PCDHA2: variants seen among roughly 807,000 people sequenced by gnomAD.
PCDHA2 encodes the protein protocadherin alpha 2.
A neutral mutation model predicts 66.0 loss-of-function variants in PCDHA2; 58 were observed. The ratio of observed to expected loss-of-function variants is 0.88; its 90% confidence interval spans 0.71 to 1.09. The LOEUF (loss-of-function observed/expected upper bound fraction) is 1.09. Among genes scored for constraint, PCDHA2 ranks in the 50% least tolerant of loss-of-function variants. The probability of loss-of-function intolerance (pLI) is 0.00; values close to 1 mark genes in which losing one functional copy is unlikely to be tolerated. For missense variants in PCDHA2, 1,267 were observed against 1,242.3 expected (o/e 1.02, Z -0.30); for synonymous variants, 634 against 554.0 (o/e 1.14, Z -2.03).
At chr5:140,845,023 G>A (rs1554140814) in intron 1 of PCDHA2, among the ~76,000 whole-genome samples, 2 of 149,032 alleles carry the variant, frequency 1.3e-5, no homozygotes, top group African/African-American at 2.5e-5. Flanking sequence ...AATCATTTAT[G>A]GGCATATTTT....
chr5:140,836,660 C>T (rs2150267117), intron 1 of PCDHA2: 1 of 1,613,436 alleles, frequency 6.2e-7, no homozygotes, highest in Non-Finnish European at 8.5e-7. Flanking sequence ...AGAGGGTGTG[C>T]TCTGGGGAGG....
chr5:140,941,341 G>A (rs1413393487), intron 1 of PCDHA2, among the ~76,000 whole-genome samples: 1 of 119,412 alleles, frequency 8.4e-6, no homozygotes, highest in African/African-American at 3.2e-5. Flanking sequence ...TTTTCAGATG[G>A]AGTCTTGCTC....
chr5:140,989,387 T>A (rs1269344397), intron 3 of PCDHA2, among the ~76,000 whole-genome samples: 2 of 152,122 alleles, frequency 1.3e-5, no homozygotes, highest in Non-Finnish European at 2.9e-5. Context: ...GTGGGAAAGA[T>A]GATATGGAGG....
At chr5:140,855,306 T>C (rs2043421281) in intron 1 of PCDHA2, among the ~76,000 whole-genome samples, 1 of 149,750 alleles carries the variant, frequency 6.7e-6, no homozygotes, top group Admixed American at 6.7e-5. Context: ...AGTTATAAAA[T>C]TGGAACATGA....
intron 1 of PCDHA2, chr5:140,875,520 C>T: frequency 1.2e-6 from 2 of 1,614,004 alleles, no homozygotes; most frequent in Non-Finnish European, 1.7e-6. Flanking sequence ...GTCTGCTGCT[C>T]TCGCTTCTGC....
chr5:140,860,192 C>CATATATATATATAT (rs143984774), intron 1 of PCDHA2: 1 of 146,860 alleles, frequency 6.8e-6, no homozygotes, highest in African/African-American at 2.5e-5. Context: ...GCTCTCCTTA[C>CATATATATATATAT]ATATATATCT....
At chr5:140,881,563 T>C (rs894982822) in intron 1 of PCDHA2, among the ~76,000 whole-genome samples, 4 of 152,232 alleles carry the variant, frequency 2.6e-5, no homozygotes, top group Non-Finnish European at 5.9e-5. Flanking sequence ...AAATATCTTA[T>C]CTACATCTCA....
chr5:141,006,029 G>A (rs539375544), intron 3 of PCDHA2, among the ~76,000 whole-genome samples: 12 of 151,322 alleles, frequency 7.9e-5, no homozygotes, highest in Non-Finnish European at 1.2e-4. Context: ...ATAATAGTAA[G>A]AGGGAGATTT....
rs782319322 is a variant in PCDHA2, at chr5:140,870,788, C to T, written c.2388+73436C>T. 6 of 1,613,518 alleles carry T rather than the reference C, an allele frequency of 3.7e-6. No individual in the cohort carries two copies. The Admixed American group carries it at 6.7e-5, about 18-fold the overall frequency. On this transcript the variant is annotated intron_variant, in intron 1 of 3. Coordinates refer to ENST00000526136, the MANE Select transcript of PCDHA2 (RefSeq NM_018905.3). Reference sequence around the variant, plus strand: ...GTGCTGGACGAGAACGACAACGCGCCGGCACTGCTGGCGACTCAGGCTGGC... The same window carrying T: ...GTGCTGGACGAGAACGACAACGCGCTGGCACTGCTGGCGACTCAGGCTGGC...
At chr5:140,831,279 C>T (rs1046790636) in intron 1 of PCDHA2, 1 of 152,150 alleles carries the variant, frequency 6.6e-6, no homozygotes, top group African/African-American at 2.4e-5. Flanking sequence ...TGATGGTCTT[C>T]TCTTCATGGA....
chr5:140,877,021 G>A, intron 1 of PCDHA2: 1 of 1,612,514 alleles, frequency 6.2e-7, no homozygotes, highest in Non-Finnish European at 8.5e-7. Context: ...GAGCGGCAAG[G>A]TGTACGCGCT....
intron 3 of PCDHA2, among the ~76,000 whole-genome samples, chr5:140,990,165 G>A (rs2097378132): frequency 6.6e-6 from 1 of 152,126 alleles, no homozygotes; most frequent in African/African-American, 2.4e-5. Flanking sequence ...GTTAGGGTAT[G>A]AAAAGGTGAC....
intron 3 of PCDHA2, among the ~76,000 whole-genome samples, chr5:140,990,610 C>T (rs781969043): frequency 4.6e-5 from 7 of 152,080 alleles, no homozygotes; most frequent in African/African-American, 9.7e-5. Flanking sequence ...AGATGAATAC[C>T]GTAAAGGTCT....
At chr5:140,838,792 C>T (rs185646460) in intron 1 of PCDHA2, among the ~76,000 whole-genome samples, 1,842 of 152,048 alleles carry the variant, frequency 0.012, 29 homozygotes, top group Non-Finnish European at 0.019. Flanking sequence ...CATGGTGATG[C>T]ATGTCTGTAG....
chr5:141,002,437 T>C (rs1238744621), intron 3 of PCDHA2, among the ~76,000 whole-genome samples: 1 of 152,186 alleles, frequency 6.6e-6, no homozygotes, highest in Non-Finnish European at 1.5e-5. Context: ...GCAATAACCA[T>C]AATAATTGGC....
At chr5:140,941,247 CT>C (rs1398354432) in intron 1 of PCDHA2, among the ~76,000 whole-genome samples, 1 of 128,506 alleles carries the variant, frequency 7.8e-6, no homozygotes, top group African/African-American at 2.9e-5. Context: ...TTCTTTCTTT[CT>C]TTCTTTCTCT....
At chr5:140,857,799 T>A (rs1554150681) in intron 1 of PCDHA2, 1 of 1,597,340 alleles carries the variant, frequency 6.3e-7, no homozygotes, top group Non-Finnish European at 8.6e-7. Flanking sequence ...CTGCGGTCGG[T>A]GGTTGCGGGT....
intron 1 of PCDHA2, among the ~76,000 whole-genome samples, chr5:140,887,455 A>T (rs1334702818): frequency 6.6e-6 from 1 of 152,134 alleles, no homozygotes; most frequent in Non-Finnish European, 1.5e-5. Flanking sequence ...ACAGTTTTTT[A>T]AAAGATATAA....
At chr5:140,908,728 C>T (rs2074119712) in intron 1 of PCDHA2, among the ~76,000 whole-genome samples, 1 of 152,202 alleles carries the variant, frequency 6.6e-6, no homozygotes, top group Non-Finnish European at 1.5e-5. Context: ...GGTCATATGG[C>T]TCGAGAAACA....
Sources: allele counts gnomAD v4.1 joint callset (sites outside exome capture counted in the v4.1 genomes callset), GRCh38; gene constraint gnomAD v4.1.1; transcripts MANE v1.5; gene names NCBI Gene and HGNC (gene_info 2026-07-23, HGNC 2026-07-21).